Variants in OTUD7A observed in about 807,000 individuals in gnomAD.
OTUD7A encodes the protein OTU deubiquitinase 7A, also known as OTU domain-containing protein 7A.
In OTUD7A, 12 loss-of-function variants were observed where a neutral mutation model predicts 65.7. The ratio of observed to expected loss-of-function variants is 0.18; its 90% CI spans 0.12 to 0.30. The LOEUF is 0.30. Ranked by LOEUF, OTUD7A falls within the 10% of genes least tolerant of loss-of-function variation. The pLI, the probability that OTUD7A is intolerant of heterozygous loss-of-function variation, is 1.00. For synonymous variants in OTUD7A, 641 were observed against 586.3 expected (o/e 1.09, Z -1.35); for missense variants, 1,148 against 1,304.8 (o/e 0.88, Z 1.85).
At chr15:31,604,422 C>T (rs867916238) in intron 3 of OTUD7A, among the ~76,000 whole-genome samples, 2 of 151,714 alleles carry the variant, frequency 1.3e-5, no homozygotes, top group Admixed American at 6.6e-5. Context: ...CAGAGGGGAA[C>T]ATCACACATC....
intron 1 of OTUD7A, among the ~76,000 whole-genome samples, chr15:31,686,131 A>G (rs564473264): frequency 6.6e-6 from 1 of 152,362 alleles, no homozygotes; most frequent in African/African-American, 2.4e-5. Context: ...GGGAACACAT[A>G]CTGCCAGGCT....
intron 1 of OTUD7A, among the ~76,000 whole-genome samples, chr15:31,834,521 A>G (rs1190431972): frequency 1.3e-5 from 2 of 152,258 alleles, no homozygotes; most frequent in Non-Finnish European, 2.9e-5. Flanking sequence ...TATTCTAGCC[A>G]CATAAGCCAG....
intron 1 of OTUD7A, among the ~76,000 whole-genome samples, chr15:31,830,914 T>G (rs1896914513): frequency 6.6e-6 from 1 of 152,208 alleles, no homozygotes; most frequent in Admixed American, 6.5e-5. Context: ...GATAGAAGTT[T>G]GGGATGTTAG....
chr15:31,554,228 C>A (rs1888418815), intron 5 of OTUD7A, among the ~76,000 whole-genome samples: 1 of 152,194 alleles, frequency 6.6e-6, no homozygotes, highest in African/African-American at 2.4e-5. Flanking sequence ...TTTTCATGCT[C>A]CCCTTGTTCA....
chr15:31,864,472 G>A (rs1188634321), intron 1 of OTUD7A, among the ~76,000 whole-genome samples: 1 of 152,048 alleles, frequency 6.6e-6, no homozygotes, highest in African/African-American at 2.4e-5. Flanking sequence ...ACGTGGTGGT[G>A]GCAAGAGAAA....
In OTUD7A at chr15:31,503,542, A is replaced by T. The variant is rs1252021825; in HGVS notation, c.1021+149T>A. 6 of 1,086,486 alleles carry T rather than the reference A, an allele frequency of 5.5e-6. No homozygotes were observed. In the Admixed American group the frequency reaches 1.2e-4, roughly 21 times the overall value. 67.3% of individuals were successfully genotyped at this position (1,086,486 alleles called of 1,614,324 possible). A position where few individuals can be genotyped will look rare whatever the true frequency, so the allele number is the denominator to read the frequency against. On this transcript the variant is annotated intron_variant, in intron 9 of 12. Coordinates refer to ENST00000307050, the MANE Select transcript of OTUD7A (RefSeq NM_001382637.1). ...AGAACAATCTCTGCTGCCATCAGGG[A>T]GGAGAAAGAAACACGTCGAGGAGAT...
chr15:31,868,640 A>G (rs1897942430), intron 1 of OTUD7A, among the ~76,000 whole-genome samples: 1 of 152,190 alleles, frequency 6.6e-6, no homozygotes, highest in Non-Finnish European at 1.5e-5. Flanking sequence ...TCAGGAGGTC[A>G]GAGGCCAAGA....
At chr15:31,824,936 A>G (rs1417048156) in intron 1 of OTUD7A, among the ~76,000 whole-genome samples, 1 of 152,238 alleles carries the variant, frequency 6.6e-6, no homozygotes, top group Non-Finnish European at 1.5e-5. Flanking sequence ...GCAGGCTTGA[A>G]AAAAATCTAT....
In OTUD7A at chr15:31,859,491, T is replaced by C. The variant is rs1462738631; in HGVS notation, c.-100+11016A>G. 3.3e-5 allele frequency among the ~76,000 whole-genome samples: 5 copies of C among 152,258 alleles called. No homozygotes were observed. In the East Asian group the frequency reaches 9.6e-4, roughly 29 times the overall value. On this transcript the variant is annotated intron_variant, in intron 1 of 12. Transcript: ENST00000307050. Reference sequence around the variant, plus strand: ...GATATAAAATTATCATTTGATCAAATAGTAAAGGTTCTACCAGTTCACCTT... The same window carrying C: ...GATATAAAATTATCATTTGATCAAACAGTAAAGGTTCTACCAGTTCACCTT...
intron 1 of OTUD7A, among the ~76,000 whole-genome samples, chr15:31,856,118 A>C (rs550226000): frequency 6.6e-6 from 1 of 152,378 alleles, no homozygotes; most frequent in African/African-American, 2.4e-5. Flanking sequence ...TAAATTCAGC[A>C]AGTCTTTAAT....
intron 1 of OTUD7A, among the ~76,000 whole-genome samples, chr15:31,686,665 G>A (rs1892843749): frequency 6.6e-6 from 1 of 152,226 alleles, no homozygotes; most frequent in Non-Finnish European, 1.5e-5. Flanking sequence ...AGGGAAGCCT[G>A]GGGCTGGAGC....
chr15:31,713,905 C>T (rs944536000), intron 1 of OTUD7A, among the ~76,000 whole-genome samples: 13 of 147,308 alleles, frequency 8.8e-5, no homozygotes, highest in African/African-American at 3.2e-4. Context: ...CCTTATTAGT[C>T]ATCAGTGAAA....
intron 1 of OTUD7A, among the ~76,000 whole-genome samples, chr15:31,836,790 A>T (rs1008691272): frequency 6.6e-6 from 1 of 152,380 alleles, no homozygotes; most frequent in Admixed American, 6.5e-5. Context: ...GGCAGATCCA[A>T]CATATGTGCA....
intron 3 of OTUD7A, among the ~76,000 whole-genome samples, chr15:31,589,050 T>A (rs1189392611): frequency 6.6e-6 from 1 of 152,206 alleles, no homozygotes; most frequent in African/African-American, 2.4e-5. Context: ...TGAGGCCTCG[T>A]AGCCTGCTTA....
chr15:31,595,285 G>C (rs890404304), intron 3 of OTUD7A, among the ~76,000 whole-genome samples: 3 of 152,224 alleles, frequency 2.0e-5, no homozygotes, highest in Non-Finnish European at 4.4e-5. Flanking sequence ...CTGCAGAAAT[G>C]TTCTCACAGT....
intron 1 of OTUD7A, among the ~76,000 whole-genome samples, chr15:31,725,522 C>A (rs1893860600): frequency 6.6e-6 from 1 of 152,202 alleles, no homozygotes; most frequent in African/African-American, 2.4e-5. Flanking sequence ...ATGTCTCCCA[C>A]TACCTTTGAT....
At chr15:31,578,209 C>A (rs1889265098) in intron 3 of OTUD7A, among the ~76,000 whole-genome samples, 1 of 152,162 alleles carries the variant, frequency 6.6e-6, no homozygotes, top group Non-Finnish European at 1.5e-5. Context: ...GAAAAGCTGA[C>A]CAGCATTTAA....
intron 1 of OTUD7A, among the ~76,000 whole-genome samples, chr15:31,811,371 G>A (rs543975602): frequency 6.6e-6 from 1 of 151,846 alleles, no homozygotes; most frequent in East Asian, 1.9e-4. Context: ...TGTGTGATAT[G>A]TATCCATACT....
rs1048196878 is a variant in OTUD7A at position 31,539,725 on chromosome 15, G to A, written c.551-8917C>T. ...TGTCTTTATTTTCAGAAGAAGTGAA[G>A]TATCCACAATACACATTCAAATGAT... On this transcript the variant is annotated intron_variant, in intron 5 of 12. Transcript: ENST00000307050. 4.6e-5 allele frequency among the ~76,000 whole-genome samples: 7 copies of A among 152,226 alleles called. No homozygotes were observed. In the East Asian group the frequency reaches 1.4e-3, roughly 29 times the overall value.
Sources: gnomAD v4.1 joint callset for allele counts (sites outside exome capture counted in the v4.1 genomes callset) on GRCh38, gnomAD v4.1.1 for gene constraint, MANE v1.5 for transcripts, NCBI Gene and HGNC (gene_info 2026-07-23, HGNC 2026-07-21) for gene names.